FXR2: variants seen among roughly 807,000 people sequenced by gnomAD.
FXR2 encodes the protein FMR1 autosomal homolog 2.
Under a neutral mutation model 87.3 loss-of-function variants are expected in FXR2, and 9 were observed. That is an observed-to-expected ratio of 0.10 (90% CI 0.06 to 0.18). The LOEUF is 0.18. FXR2 is among the 10% of genes least tolerant of loss of function. The pLI is 1.00. For missense variants in FXR2, 661 were observed against 893.6 expected (o/e 0.74, Z 3.32); for synonymous variants, 331 against 328.3 (o/e 1.01, Z -0.09).
intron 1 of FXR2, among the ~76,000 whole-genome samples, chr17:7,611,252 T>C (rs574335432): frequency 5.3e-5 from 8 of 151,982 alleles, no homozygotes; most frequent in African/African-American, 1.7e-4. Flanking sequence ...CCTCAACCCT[T>C]GTTACGGATG....
At position 7,594,936 on chromosome 17, in the gene FXR2, C is replaced by A. The variant is rs186083940; in HGVS notation, c.832-179G>T. Among the ~76,000 whole-genome samples, 1 of 151,848 alleles carries A rather than the reference C, an allele frequency of 6.6e-6. No individual in the cohort carries two copies. On this transcript the variant is annotated intron_variant, in intron 8 of 16. Transcript: ENST00000250113. This position sits in a 1 kb window ranked among gnomAD's most constrained non-coding sequence, Gnocchi z 5.1. ...CCATCTCTACTAAAAATACAAAAAT[C>A]AAAATACAAAAATACTAAAATACTA...
chr17:7,596,675 C>G (rs1256577140), intron 7 of FXR2, among the ~76,000 whole-genome samples: 2 of 152,308 alleles, frequency 1.3e-5, no homozygotes, highest in Non-Finnish European at 1.5e-5. Context: ...ATCTTATTCT[C>G]AAGACTAGCA....
chr17:7,612,481 T>A (rs2071875230), intron 1 of FXR2, among the ~76,000 whole-genome samples: 1 of 152,116 alleles, frequency 6.6e-6, no homozygotes, highest in East Asian at 1.9e-4. Context: ...TAGGCAAGTA[T>A]GCACAAAATG....
At chr17:7,606,299 T>C (rs920610360) in intron 1 of FXR2, 150 bp from the exon 2 acceptor site, 1 of 619,058 alleles carries the variant, frequency 1.6e-6, no homozygotes, top group Non-Finnish European at 2.8e-6. Context: ...AAGGCTGCAC[T>C]GGGGAAAGAA....
intron 1 of FXR2, among the ~76,000 whole-genome samples, chr17:7,606,354 G>C (rs1223715748): frequency 1.3e-5 from 2 of 152,098 alleles, no homozygotes; most frequent in Admixed American, 6.6e-5. Context: ...GTCATGGAGA[G>C]GTGTATGTAC....
chr17:7,593,132 T>C lies in FXR2; in HGVS notation c.1380A>G (p.Arg460=), dbSNP rs773243478. 6.4e-7 allele frequency: 1 copy of C among 1,565,268 alleles called. No homozygotes were observed. The highest frequency in any genetic ancestry group is 8.6e-7 in the Non-Finnish European group (1 of 1,158,516). Residue 460 remains arginine (R), a synonymous_variant, in exon 13 of 17, where the codon AGA becomes AGG. Coordinates refer to ENST00000250113, the MANE Select transcript of FXR2 (RefSeq NM_004860.4). The surrounding 1 kb of genome is among the most constrained non-coding windows in gnomAD (Gnocchi z 6.1). Reference sequence around the variant, plus strand: ...CAGGCCCAGCTCGGTTGGGCTCCTCTCTCTTCTCTGACTCAGTCTCTGAAG... The same window carrying C: ...CAGGCCCAGCTCGGTTGGGCTCCTCCCTCTTCTCTGACTCAGTCTCTGAAG... The part of the protein sequence containing the change: ...STASETESEK[R]EEPNRAGPGD...
chr17:7,598,294 A>T (rs2071724357), intron 7 of FXR2, among the ~76,000 whole-genome samples: 1 of 151,940 alleles, frequency 6.6e-6, no homozygotes, highest in Non-Finnish European at 1.5e-5. Context: ...ACTAAAAAAA[A>T]ATACAAAAAA....
At position 7,592,302 on chromosome 17, in the gene FXR2, T is replaced by C; in HGVS notation, c.1878A>G (p.Pro626=). The C allele has an allele frequency of 6.2e-7, 1 of 1,613,390 alleles. No homozygotes were observed. The highest frequency in any genetic ancestry group is 2.2e-5 in the East Asian group (1 of 44,878). The change falls in exon 16 of 17, where the codon CCA becomes CCG. Residue 626 remains proline, a synonymous_variant. Coordinates refer to ENST00000250113, the MANE Select transcript of FXR2 (RefSeq NM_004860.4). The surrounding 1 kb of genome is among the most constrained non-coding windows in gnomAD (Gnocchi z 4.8). Reference sequence around the variant, plus strand: ...CTGAGGGTTTAGTGCGTTCCAGGGGTGGCCTCTGGCGGCTCTGAGACTCTG... The same window carrying C: ...CTGAGGGTTTAGTGCGTTCCAGGGGCGGCCTCTGGCGGCTCTGAGACTCTG... ...SRAESQSRQR[P]PLERTKPSED...
chr17:7,612,115 T>C (rs1199991595), intron 1 of FXR2, among the ~76,000 whole-genome samples: 1 of 152,232 alleles, frequency 6.6e-6, no homozygotes, highest in Non-Finnish European at 1.5e-5. Context: ...AACGTGTCCC[T>C]TCCCAGCCAT....
rs1267892070 is a variant in FXR2, at chr17:7,593,244, C to T, written c.1331-63G>A. On this transcript the variant is annotated intron_variant, in intron 12 of 16. Transcript: ENST00000250113. This position sits in a 1 kb window ranked among gnomAD's most constrained non-coding sequence, Gnocchi z 6.1. The stretch of plus-strand genomic sequence containing the variant: ...CCCACCTCAGGATCCATCACATCCC[C>T]CAAACTGGAAGAATTCTCCTTCTCA... 1 of 1,343,286 alleles carries T rather than the reference C, an allele frequency of 7.4e-7. No homozygotes were observed. The highest frequency in any genetic ancestry group is 2.5e-5 in the East Asian group (1 of 40,604). The allele number at this position is 1,343,286 out of a possible 1,614,324, so 83.2% of individuals were successfully genotyped here. A position where few individuals can be genotyped will look rare whatever the true frequency, so the allele number is the denominator to read the frequency against.
chr17:7,604,222 AG>A, intron 3 of FXR2, 142 bp from the exon 4 acceptor site: 1 of 659,894 alleles, frequency 1.5e-6, no homozygotes, highest in Non-Finnish European at 2.7e-6. Context: ...GCTTATGCCC[AG>A]GAGTTCAAGA....
Position 7,595,756 on chromosome 17 carries a change from A to T in FXR2, c.831+68T>A. On this transcript the variant is annotated intron_variant, in intron 8 of 16. Coordinates refer to ENST00000250113, the MANE Select transcript of FXR2 (RefSeq NM_004860.4). This position sits in a 1 kb window ranked among gnomAD's most constrained non-coding sequence, Gnocchi z 4.7. ...AGCCACTGTGCCCAGTTTGAGGCTTATTTTCTACTTCGGCCTCTCTTCCCT... is the reference window on the plus strand; with the variant it reads ...AGCCACTGTGCCCAGTTTGAGGCTTTTTTTCTACTTCGGCCTCTCTTCCCT... 1 of 1,345,064 alleles carries T rather than the reference A, an allele frequency of 7.4e-7. No homozygotes were observed. Among genetic ancestry groups the T allele is most frequent in the Non-Finnish European group, 1.0e-6 (1 of 955,402 alleles). 83.3% of individuals were successfully genotyped at this position (1,345,064 alleles called of 1,614,324 possible). A position where few individuals can be genotyped will look rare whatever the true frequency, so the allele number is the denominator to read the frequency against.
chr17:7,611,102 C>T (rs879885832), intron 1 of FXR2, among the ~76,000 whole-genome samples: 17 of 152,026 alleles, frequency 1.1e-4, no homozygotes, highest in Non-Finnish European at 1.9e-4. Flanking sequence ...AGGAAGATTG[C>T]GCCCTGGACG....
In FXR2 at chr17:7,592,311, G is replaced by C; in HGVS notation, c.1869C>G (p.Arg623=). ...TAGTGCGTTCCAGGGGTGGCCTCTG[G>C]CGGCTCTGAGACTCTGCTCGTGAGA... is the stretch of plus-strand genomic sequence containing the variant. The part of the protein sequence containing the change: ...DYISRAESQS[R]QRPPLERTKP... The change falls in exon 16 of 17, where the codon CGC becomes CGG. Residue 623 remains arginine (R), a synonymous_variant. Coordinates refer to ENST00000250113, the MANE Select transcript of FXR2 (RefSeq NM_004860.4). The surrounding 1 kb of genome is among the most constrained non-coding windows in gnomAD (Gnocchi z 4.8). The C allele has an allele frequency of 6.2e-7, 1 of 1,613,642 alleles. No individual in the cohort carries two copies. The highest frequency in any genetic ancestry group is 8.5e-7 in the Non-Finnish European group (1 of 1,179,594).
chr17:7,609,999 T>C (rs1331351370), intron 1 of FXR2, among the ~76,000 whole-genome samples: 12 of 131,588 alleles, frequency 9.1e-5, no homozygotes, highest in Middle Eastern at 4.3e-3. Flanking sequence ...TACATGTATA[T>C]GTATACATAT....
At chr17:7,603,642 G>A (rs1442704534) in intron 5 of FXR2, 115 bp downstream of exon 5, 1 of 914,076 alleles carries the variant, frequency 1.1e-6, no homozygotes. Flanking sequence ...GGCTCTAGTA[G>A]AGGGCCAGGG....
At position 7,603,846 on chromosome 17, in the gene FXR2, C is replaced by G; in HGVS notation, c.360G>C (p.Glu120Asp). The change falls in exon 5 of 17, where the codon GAG (glutamate) becomes GAC (aspartate). Residue 120 changes from glutamate (E) to aspartate (D), a missense_variant. Transcript: ENST00000250113. ...DATYNEIVTL[E>D]RLRPVNPNPL... is the part of the protein sequence containing the mutation. Reference sequence around the variant, plus strand: ...GATTGGGATTAACTGGCCGAAGTCGCTCCAGGGTAACAATTTCATTGTAGG... The same window carrying G: ...GATTGGGATTAACTGGCCGAAGTCGGTCCAGGGTAACAATTTCATTGTAGG... The G allele has an allele frequency of 6.2e-7, 1 of 1,613,950 alleles. No homozygotes were observed. The highest frequency in any genetic ancestry group is 8.5e-7 in the Non-Finnish European group (1 of 1,179,858).
chr17:7,614,527 G>A lies in FXR2; in HGVS notation c.6C>T (p.Gly2=). The change falls in exon 1 of 17, where the codon GGC becomes GGT. Residue 2 remains glycine (G), a synonymous_variant. Coordinates refer to ENST00000250113, the MANE Select transcript of FXR2 (RefSeq NM_004860.4). M[G]GLASGGDVEP... ...CCACATCCCCCCCAGAGGCCAGGCC[G>A]CCCATGGCGCCGCCACCGCCTCCGA... 1 of 1,484,796 alleles carries A rather than the reference G, an allele frequency of 6.7e-7. No homozygotes were observed. The highest frequency in any genetic ancestry group is 2.8e-5 in the East Asian group (1 of 35,218). 92.0% of individuals were successfully genotyped at this position (1,484,796 alleles called of 1,614,324 possible). A position where few individuals can be genotyped will look rare whatever the true frequency, so the allele number is the denominator to read the frequency against.
chr17:7,602,738 G>GAA, intron 6 of FXR2, 171 bp downstream of exon 6: 25 of 488,660 alleles, frequency 5.1e-5, no homozygotes, highest in Middle Eastern at 5.4e-4. Context: ...TCAAAAAAAA[G>GAA]AAAAAAAAAA....
Sources: gnomAD v4.1 joint callset for allele counts (sites outside exome capture counted in the v4.1 genomes callset) on GRCh38, gnomAD v4.1.1 for gene constraint, Gnocchi (gnomAD v3.1) non-coding constraint, MANE v1.5 for transcripts, NCBI Gene and HGNC (gene_info 2026-07-23, HGNC 2026-07-21) for gene names.